Variants in TDRP observed in about 807,000 individuals in gnomAD.
The protein encoded by TDRP is testis development related protein, also known as testis development-related protein.
TDRP carries 12 observed loss-of-function variants against 10.5 expected under a neutral mutation model. The ratio of observed to expected loss-of-function variants is 1.15; its 90% CI spans 0.73 to 1.86. The LOEUF (loss-of-function observed/expected upper bound fraction) is 1.86. TDRP is among the 40% of genes most tolerant of loss of function. TDRP has a pLI of 0.00. For missense variants in TDRP, 353 were observed against 229.2 expected (o/e 1.54, Z -3.49); for synonymous variants, 139 against 95.4 (o/e 1.46, Z -2.67).
intron 1 of TDRP, among the ~76,000 whole-genome samples, chr8:514,381 T>G (rs1445176456): frequency 6.6e-6 from 1 of 152,208 alleles, no homozygotes; most frequent in Non-Finnish European, 1.5e-5. Flanking sequence ...AACAAATGGC[T>G]GTGTGACAAC....
At chr8:539,850 G>C (rs1802446580) in intron 1 of TDRP, among the ~76,000 whole-genome samples, 1 of 152,140 alleles carries the variant, frequency 6.6e-6, no homozygotes, top group African/African-American at 2.4e-5. Flanking sequence ...TCTAAACTAA[G>C]ATTCACTATT....
At position 525,297 on chromosome 8, in the gene TDRP, A is replaced by T. The variant is rs11996330; in HGVS notation, c.108+19353T>A. On this transcript the variant is annotated intron_variant, in intron 1 of 2. Coordinates refer to ENST00000324079, the MANE Select transcript of TDRP (RefSeq NM_001384899.1). Reference sequence around the variant, plus strand: ...TTTTCACCAACACCAGATCTGTCCTACAAGAAATGTTAAAGGGAATTCTTC... The same window carrying T: ...TTTTCACCAACACCAGATCTGTCCTTCAAGAAATGTTAAAGGGAATTCTTC... 8.4e-3 allele frequency among the ~76,000 whole-genome samples: 1,284 copies of T among 152,042 alleles called. 11 individuals carry two copies. The highest frequency in any genetic ancestry group is 0.029 in the African/African-American group (1,217 of 41,566).
At chr8:493,447 C>G (rs1020405317) in intron 2 of TDRP, among the ~76,000 whole-genome samples, 1 of 152,216 alleles carries the variant, frequency 6.6e-6, no homozygotes, top group Non-Finnish European at 1.5e-5. Flanking sequence ...CGCCAGAGCA[C>G]GAAGGGCCAT....
chr8:503,223 G>A (rs534833189), intron 1 of TDRP, among the ~76,000 whole-genome samples: 1 of 128,122 alleles, frequency 7.8e-6, no homozygotes, highest in African/African-American at 3.0e-5. Context: ...CACACTGGAA[G>A]CAATGCCCAC....
intron 1 of TDRP, among the ~76,000 whole-genome samples, chr8:540,513 C>T (rs1802464723): frequency 6.6e-6 from 1 of 152,164 alleles, no homozygotes; most frequent in African/African-American, 2.4e-5. Context: ...TTACCATATG[C>T]ATTAGCAGTT....
At chr8:544,019 A>G (rs1266995804) in intron 1 of TDRP, among the ~76,000 whole-genome samples, 3 of 152,062 alleles carry the variant, frequency 2.0e-5, no homozygotes, top group Non-Finnish European at 4.4e-5. Flanking sequence ...CATACCAAAC[A>G]TATCTCTACA....
At chr8:532,128 C>T (rs1291522803) in intron 1 of TDRP, among the ~76,000 whole-genome samples, 1 of 152,206 alleles carries the variant, frequency 6.6e-6, no homozygotes, top group Admixed American at 6.5e-5. Context: ...GGACACTGCT[C>T]TCATCCATAG....
intron 1 of TDRP, among the ~76,000 whole-genome samples, chr8:504,571 T>A (rs1801404145): frequency 1.3e-5 from 2 of 152,344 alleles, no homozygotes; most frequent in South Asian, 4.1e-4. Flanking sequence ...AAACCGTGAT[T>A]CGCAGACAGT....
chr8:503,560 GCAT>G (rs1801367374), intron 1 of TDRP, among the ~76,000 whole-genome samples: 1 of 139,438 alleles, frequency 7.2e-6, no homozygotes, highest in Admixed American at 7.1e-5. Flanking sequence ...CACTCACCAT[GCAT>G]CAACACAGAA....
At chr8:501,376 T>G (rs2116738162) in intron 1 of TDRP, among the ~76,000 whole-genome samples, 1 of 151,960 alleles carries the variant, frequency 6.6e-6, no homozygotes, top group African/African-American at 2.4e-5. Context: ...AGATGGAGTC[T>G]TTCTCTGTTG....
At chr8:522,793 T>C (rs1430497944) in intron 1 of TDRP, among the ~76,000 whole-genome samples, 1 of 152,220 alleles carries the variant, frequency 6.6e-6, no homozygotes, top group Non-Finnish European at 1.5e-5. Flanking sequence ...TCTTTGTGTT[T>C]TGTGACAGTT....
chr8:544,865 T>C (rs1356397267), upstream of TDRP: 6 of 835,780 alleles, frequency 7.2e-6, no homozygotes, highest in Non-Finnish European at 9.5e-6. Context: ...GCGGGCCCAG[T>C]GGGCCGGGCG....
intron 1 of TDRP, among the ~76,000 whole-genome samples, chr8:527,070 G>T (rs1425600462): frequency 6.6e-6 from 1 of 151,894 alleles, no homozygotes; most frequent in African/African-American, 2.4e-5. Context: ...TCCACCAAAA[G>T]GCTATTAAAA....
Position 522,679 on chromosome 8 carries a change from T to C in TDRP, c.108+21971A>G, listed in dbSNP as rs138331293. On this transcript the variant is annotated intron_variant, in intron 1 of 2. Coordinates refer to ENST00000324079, the MANE Select transcript of TDRP (RefSeq NM_001384899.1). The stretch of plus-strand genomic sequence containing the variant: ...GACTCTTTGTTTGGGGCTCAGTCCT[T>C]TGGATGTTAATCCGACTGACTCGGT... Among the ~76,000 whole-genome samples the C allele has an allele frequency of 5.8e-3, 877 of 152,342 alleles. 5 individuals carry two copies. The highest frequency in any genetic ancestry group is 8.8e-3 in the Non-Finnish European group (601 of 68,024).
intron 1 of TDRP, among the ~76,000 whole-genome samples, chr8:530,026 G>C (rs1377947267): frequency 6.6e-6 from 1 of 151,904 alleles, no homozygotes; most frequent in African/African-American, 2.4e-5. Flanking sequence ...CCACTCAATG[G>C]TGTGCCATAA....
At chr8:522,211 C>A (rs948685032) in intron 1 of TDRP, among the ~76,000 whole-genome samples, 4 of 152,222 alleles carry the variant, frequency 2.6e-5, no homozygotes, top group Non-Finnish European at 5.9e-5. Flanking sequence ...TTATGTCACA[C>A]ATTTGAGCAC....
chr8:532,016 G>T (rs1239125779), intron 1 of TDRP, among the ~76,000 whole-genome samples: 1 of 152,156 alleles, frequency 6.6e-6, no homozygotes, highest in Non-Finnish European at 1.5e-5. Flanking sequence ...ACAAACAAAA[G>T]ACATGGTTTA....
At chr8:522,683 A>T (rs759886130) in intron 1 of TDRP, among the ~76,000 whole-genome samples, 4 of 152,170 alleles carry the variant, frequency 2.6e-5, no homozygotes, top group Non-Finnish European at 4.4e-5. Context: ...AGTCCTTTGG[A>T]TGTTAATCCG....
chr8:533,812 A>G (rs1050149806), intron 1 of TDRP, among the ~76,000 whole-genome samples: 2 of 152,160 alleles, frequency 1.3e-5, no homozygotes, highest in African/African-American at 4.8e-5. Flanking sequence ...GCAGATGTAC[A>G]CCGGTTCTCT....
Sources: allele counts gnomAD v4.1 joint callset (sites outside exome capture counted in the v4.1 genomes callset), GRCh38; gene constraint gnomAD v4.1.1; transcripts MANE v1.5; gene names NCBI Gene and HGNC (gene_info 2026-07-23, HGNC 2026-07-21).